PDE8A: variants seen among roughly 807,000 people sequenced by gnomAD.
PDE8A encodes the protein phosphodiesterase 8A, also known as high affinity cAMP-specific and IBMX-insensitive 3',5'-cyclic phosphodiesterase 8A.
Under a neutral mutation model 105.0 loss-of-function variants are expected in PDE8A, and 59 were observed. That is an observed-to-expected ratio of 0.56 (90% CI 0.46 to 0.70). The LOEUF is 0.70. PDE8A is among the 30% of genes least tolerant of loss of function. The probability of loss-of-function intolerance (pLI) is 0.00; values close to 1 mark genes in which losing one functional copy is unlikely to be tolerated. For synonymous variants in PDE8A, 355 were observed against 371.9 expected, an observed-to-expected ratio of 0.95 and a Z score of 0.52; for missense variants, 1,014 against 1,045.9, an observed-to-expected ratio of 0.97 and a Z score of 0.42.
At position 85,098,059 on chromosome 15, in the gene PDE8A, T is replaced by C. The variant is rs374893830; in HGVS notation, c.941+23T>C. The C allele has an allele frequency of 4.2e-5, 54 of 1,286,502 alleles. No individual in the cohort carries two copies. In the Middle Eastern group the frequency reaches 5.5e-4, roughly 13 times the overall value. 79.7% of individuals were successfully genotyped at this position (1,286,502 alleles called of 1,614,324 possible). A position where few individuals can be genotyped will look rare whatever the true frequency, so the allele number is the denominator to read the frequency against. On this transcript the variant is annotated intron_variant, in intron 9 of 21. Transcript: ENST00000394553. The stretch of plus-strand genomic sequence containing the variant: ...AGGGTAAGTGGAAAAAACAAGTACA[T>C]CAATCAACATACAGTGTTTTGGGTT...
chr15:85,029,875 C>T (rs1301327941), intron 1 of PDE8A, among the ~76,000 whole-genome samples: 2 of 152,150 alleles, frequency 1.3e-5, no homozygotes, highest in Non-Finnish European at 2.9e-5. Context: ...ATGACAATGT[C>T]TAAGGCAGGT....
chr15:85,111,258 T>C (rs1466497854), intron 12 of PDE8A, among the ~76,000 whole-genome samples: 1 of 152,216 alleles, frequency 6.6e-6, no homozygotes, highest in Non-Finnish European at 1.5e-5. Flanking sequence ...TATTATTACT[T>C]GCGCTTTTTA....
intron 17 of PDE8A, chr15:85,120,556 C>A (rs1300306165): frequency 8.0e-6 from 3 of 375,872 alleles, no homozygotes; most frequent in Non-Finnish European, 1.4e-5. Flanking sequence ...GGAGGTGACT[C>A]CTATCTGTTG....
At chr15:85,048,963 G>T (rs780675476) in intron 1 of PDE8A, among the ~76,000 whole-genome samples, 13 of 152,134 alleles carry the variant, frequency 8.5e-5, no homozygotes, top group Non-Finnish European at 1.6e-4. Context: ...TTAGCCAGGC[G>T]TGGTGGCTCA....
chr15:85,117,195 G>A (rs1476080159), intron 16 of PDE8A, among the ~76,000 whole-genome samples: 1 of 152,208 alleles, frequency 6.6e-6, no homozygotes, highest in African/African-American at 2.4e-5. Context: ...TGGCTTATAT[G>A]ACATTTTCAG....
At chr15:85,022,249 G>A (rs1357155360) in intron 1 of PDE8A, among the ~76,000 whole-genome samples, 1 of 152,176 alleles carries the variant, frequency 6.6e-6, no homozygotes, top group African/African-American at 2.4e-5. Context: ...AGGGCAGCTA[G>A]ATCTCAGCAT....
chr15:85,051,937 C>T (rs1304472032), intron 1 of PDE8A, among the ~76,000 whole-genome samples: 2 of 152,100 alleles, frequency 1.3e-5, no homozygotes, highest in African/African-American at 2.4e-5. Context: ...TCATCATTTA[C>T]ATTAGATATA....
intron 11 of PDE8A, among the ~76,000 whole-genome samples, chr15:85,108,333 G>T (rs1227968877): frequency 6.6e-6 from 1 of 152,168 alleles, no homozygotes; most frequent in African/African-American, 2.4e-5. Context: ...GCTGAGCTCA[G>T]CGCCCACCCT....
At position 85,136,557 on chromosome 15, in the gene PDE8A, C is replaced by G. The variant is rs148202000; in HGVS notation, c.2277C>G (p.Gly759=). Residue 759 remains glycine, a synonymous_variant, in exon 21 of 22, where the codon GGC becomes GGG. Transcript: ENST00000394553. ...FSQTDEEKQQ[G]LPVVMPVFDR... is the part of the protein sequence containing the mutation. ...AGACTGATGAAGAGAAGCAGCAGGG[C>G]TTACCTGTGGTGATGCCAGTGTTTG... The G allele has an allele frequency of 1.9e-6, 3 of 1,613,672 alleles. No individual in the cohort carries two copies. In the African/African-American group the frequency reaches 4.0e-5, roughly 22 times the overall value.
At chr15:85,136,859 T>C (rs1329419508) in intron 21 of PDE8A, among the ~76,000 whole-genome samples, 196 bp downstream of exon 21, 1 of 152,118 alleles carries the variant, frequency 6.6e-6, no homozygotes, top group African/African-American at 2.4e-5. Context: ...TAGGTGTCTT[T>C]ATGCCTGTTT....
rs141946304 is a variant in PDE8A, at chr15:84,992,322, G to T, written c.186+9974G>T. 9.9e-3 allele frequency among the ~76,000 whole-genome samples: 1,513 copies of T among 152,168 alleles called. 16 individuals carry two copies. Among genetic ancestry groups the T allele is most frequent in the Middle Eastern group, 0.061 (18 of 294 alleles). ...GGTTTGACCTGGGCTTAAAAGACTG[G>T]GAGGATGTGGATAAGTGGAAAATAT... On this transcript the variant is annotated intron_variant, in intron 1 of 21. Coordinates refer to ENST00000394553, the MANE Select transcript of PDE8A (RefSeq NM_002605.3).
intron 3 of PDE8A, among the ~76,000 whole-genome samples, chr15:85,067,985 C>T (rs992848606): frequency 1.4e-4 from 22 of 152,066 alleles, no homozygotes; most frequent in Non-Finnish European, 2.2e-4. Context: ...TGCCTGTGTT[C>T]CTCATCTGTT....
intron 3 of PDE8A, among the ~76,000 whole-genome samples, chr15:85,067,791 G>A (rs751349486): frequency 2.6e-5 from 4 of 152,160 alleles, no homozygotes; most frequent in African/African-American, 9.7e-5. Flanking sequence ...GTTAAAAACC[G>A]AGGTGACAAG....
Position 85,064,425 on chromosome 15 carries a change from A to G in PDE8A, c.242A>G (p.Gln81Arg). 1.0e-5 allele frequency: 16 copies of G among 1,598,826 alleles called. No homozygotes were observed. Among genetic ancestry groups the G allele is most frequent in the Non-Finnish European group, 1.3e-5 (15 of 1,166,294 alleles). Reference sequence around the variant, plus strand: ...ATGAGATTTCATCAAGATCAACTTCAGGTAATAATGAACGATGCTGTATTT... The same window carrying G: ...ATGAGATTTCATCAAGATCAACTTCGGGTAATAATGAACGATGCTGTATTT... ...GPMRFHQDQL[Q>R]VLLVFTKEDN... The change falls in exon 2 of 22, where the codon CAG becomes CGG. Residue 81 changes from glutamine (Q) to arginine (R), a missense_variant and splice_region_variant. By Grantham distance (43) the Gln-to-Arg change is conservative (BLOSUM62 1). Transcript: ENST00000394553.
At chr15:85,112,626 T>C (rs2082036949) in intron 12 of PDE8A, among the ~76,000 whole-genome samples, 1 of 152,218 alleles carries the variant, frequency 6.6e-6, no homozygotes, top group African/African-American at 2.4e-5. Flanking sequence ...AGTTTCTTCA[T>C]TGGTAAAATG....
chr15:85,080,112 G>A (rs181937446), intron 5 of PDE8A, among the ~76,000 whole-genome samples: 144 of 152,182 alleles, frequency 9.5e-4, no homozygotes, highest in Non-Finnish European at 1.8e-3. Context: ...TATTGATATT[G>A]ATATTAATAT....
At position 85,080,557 on chromosome 15, in the gene PDE8A, T is replaced by G. The variant is rs533863979; in HGVS notation, c.547-2999T>G. On this transcript the variant is annotated intron_variant, in intron 5 of 21. Coordinates refer to ENST00000394553, the MANE Select transcript of PDE8A (RefSeq NM_002605.3). ...CGCATGAGGTCATTAAGGCTTGTGT[T>G]TGTTTGAGGTCTCTTTGAAAGTACA... Among the ~76,000 whole-genome samples the G allele has an allele frequency of 2.6e-5, 4 of 152,304 alleles. No individual in the cohort carries two copies. The East Asian group carries it at 5.8e-4, about 22-fold the overall frequency.
chr15:85,085,966 C>T lies in PDE8A; in HGVS notation c.635+2322C>T, dbSNP rs181245540. Among the ~76,000 whole-genome samples, 9 of 150,556 alleles carry T rather than the reference C, an allele frequency of 6.0e-5. No individual in the cohort carries two copies. In the East Asian group the frequency reaches 7.8e-4, roughly 13 times the overall value. On this transcript the variant is annotated intron_variant, in intron 6 of 21. Transcript: ENST00000394553. ...GGCGAAGGTTGCAGTGAGCTGAGAT[C>T]GAGCCACTGCACTCCAGCCTGGGCA...
intron 1 of PDE8A, among the ~76,000 whole-genome samples, chr15:85,029,802 C>T (rs569210979): frequency 6.6e-6 from 1 of 152,278 alleles, no homozygotes; most frequent in African/African-American, 2.4e-5. Flanking sequence ...GCATTCAGAA[C>T]TAAAAAGCAA....
Sources: gnomAD v4.1 joint callset for allele counts (sites outside exome capture counted in the v4.1 genomes callset) on GRCh38, gnomAD v4.1.1 for gene constraint, MANE v1.5 for transcripts, NCBI Gene and HGNC (gene_info 2026-07-23, HGNC 2026-07-21) for gene names.